ACTN2: variants seen among roughly 807,000 people sequenced by gnomAD.
The protein encoded by ACTN2 is actinin alpha 2, also known as alpha-actinin-2.
In ACTN2, 39 loss-of-function variants were observed where a neutral mutation model predicts 113.8. The ratio of observed to expected loss-of-function variants is 0.34; its 90% confidence interval spans 0.27 to 0.45. The LOEUF is 0.45. Among genes scored for constraint, ACTN2 ranks in the 20% least tolerant of loss-of-function variants. ACTN2 has a pLI of 1.00. For synonymous variants in ACTN2, 429 were observed against 444.1 expected (o/e 0.97, Z 0.43); for missense variants, 992 against 1,177.9 (o/e 0.84, Z 2.31).
At chr1:236,692,994 C>G (rs1032399467) in intron 1 of ACTN2, among the ~76,000 whole-genome samples, 6 of 152,138 alleles carry the variant, frequency 3.9e-5, no homozygotes, top group Non-Finnish European at 7.3e-5. Flanking sequence ...AGTCAGAATC[C>G]TACCGCCGTT....
At chr1:236,739,119 T>C (rs1285851682) in intron 9 of ACTN2, among the ~76,000 whole-genome samples, 183 bp from the exon 10 acceptor site, 1 of 152,136 alleles carries the variant, frequency 6.6e-6, no homozygotes, top group Non-Finnish European at 1.5e-5. Flanking sequence ...GTTGGGGTGA[T>C]CACTCGCGGC....
chr1:236,754,141 G>A lies in ACTN2; in HGVS notation c.1974+60G>A, dbSNP rs114244088. The stretch of plus-strand genomic sequence containing the variant: ...CCTTGCGATAAGTCCCTTTAGCCAC[G>A]CAGCAGTGACACCGCACATGCTGTG... On this transcript the variant is annotated intron_variant, in intron 16 of 20. Coordinates refer to ENST00000366578, the MANE Select transcript of ACTN2 (RefSeq NM_001103.4). This position sits in a 1 kb window ranked among gnomAD's most constrained non-coding sequence, Gnocchi z 4.9. The A allele has an allele frequency of 5.2e-4, 831 of 1,603,446 alleles. 2 individuals are homozygous for A. The African/African-American group carries it at 8.5e-3, about 16-fold the overall frequency.
intron 1 of ACTN2, among the ~76,000 whole-genome samples, chr1:236,709,251 T>TACACAC (rs1440157025): frequency 1.5e-4 from 9 of 59,744 alleles, no homozygotes; most frequent in East Asian, 1.2e-3. Flanking sequence ...TATATATATA[T>TACACAC]ATATACACAC....
At chr1:236,695,563 T>TCCCACCC (rs1657467960) in intron 1 of ACTN2, among the ~76,000 whole-genome samples, 2 of 100,796 alleles carry the variant, frequency 2.0e-5, no homozygotes, top group African/African-American at 4.1e-5. Flanking sequence ...TGAAATGAGT[T>TCCCACCC]CCCCCCCCCT....
intron 18 of ACTN2, among the ~76,000 whole-genome samples, chr1:236,758,559 G>T (rs937560364): frequency 4.0e-5 from 6 of 151,376 alleles, no homozygotes; most frequent in Non-Finnish European, 7.4e-5. Flanking sequence ...AAAGTGCTAG[G>T]ATTACAAGTG....
At chr1:236,717,830 G>GCTAAACCGTGTTTGGTT in intron 1 of ACTN2, 28 bp from the exon 2 acceptor site, 1 of 1,511,140 alleles carries the variant, frequency 6.6e-7, no homozygotes, top group Non-Finnish European at 9.2e-7. Context: ...ATGGACCTGT[G>GCTAAACCGTGTTTGGTT]CTAAACCGTG....
At chr1:236,706,843 G>A (rs1424681006) in intron 1 of ACTN2, among the ~76,000 whole-genome samples, 3 of 152,226 alleles carry the variant, frequency 2.0e-5, no homozygotes, top group Non-Finnish European at 1.5e-5. Flanking sequence ...CTGTGTGTGC[G>A]AATGCAGGCG....
intron 18 of ACTN2, among the ~76,000 whole-genome samples, chr1:236,758,657 G>A (rs1659620358): frequency 6.7e-6 from 1 of 149,378 alleles, no homozygotes. Flanking sequence ...TGTGCTTTTG[G>A]TGCCCAGGCT....
At chr1:236,694,933 G>A (rs1450898558) in intron 1 of ACTN2, among the ~76,000 whole-genome samples, 2 of 152,080 alleles carry the variant, frequency 1.3e-5, no homozygotes, top group Non-Finnish European at 2.9e-5. Context: ...CGGTATGGTG[G>A]CGTGTGCTTG....
At chr1:236,730,563 T>G (rs979466392) in intron 6 of ACTN2, among the ~76,000 whole-genome samples, 7 of 152,190 alleles carry the variant, frequency 4.6e-5, no homozygotes, top group Non-Finnish European at 1.0e-4. Context: ...ATAAGAAATG[T>G]TGCATCTTCT....
At chr1:236,697,966 G>A (rs1033157762) in intron 1 of ACTN2, among the ~76,000 whole-genome samples, 1 of 146,094 alleles carries the variant, frequency 6.8e-6, no homozygotes, top group Non-Finnish European at 1.5e-5. Flanking sequence ...CAGAGACAAG[G>A]TTTCACCATG....
At chr1:236,747,893 A>G in intron 13 of ACTN2, 118 bp downstream of exon 13, 1 of 786,684 alleles carries the variant, frequency 1.3e-6, no homozygotes, top group South Asian at 1.5e-5. Flanking sequence ...AGTGAAAGGA[A>G]CCTCTAAAGA....
At chr1:236,732,096 A>T (rs1448951789) in intron 7 of ACTN2, among the ~76,000 whole-genome samples, 1 of 152,270 alleles carries the variant, frequency 6.6e-6, no homozygotes, top group African/African-American at 2.4e-5. Flanking sequence ...TACTTCCACT[A>T]ATTAGTGATG....
At chr1:236,700,206 G>A (rs1225246992) in intron 1 of ACTN2, among the ~76,000 whole-genome samples, 1 of 151,974 alleles carries the variant, frequency 6.6e-6, no homozygotes, top group South Asian at 2.1e-4. Flanking sequence ...TTTTTGAGAC[G>A]GAGTCTCTCT....
intron 1 of ACTN2, among the ~76,000 whole-genome samples, chr1:236,698,197 G>T: frequency 6.8e-6 from 1 of 146,392 alleles, no homozygotes; most frequent in South Asian, 2.2e-4. Flanking sequence ...GCTAAAGAAG[G>T]CTTTATTGAA....
intron 1 of ACTN2, among the ~76,000 whole-genome samples, chr1:236,711,618 G>A (rs1285675246): frequency 6.6e-6 from 1 of 152,218 alleles, no homozygotes; most frequent in Non-Finnish European, 1.5e-5. Context: ...CCAAAATGCT[G>A]GGATTACAGG....
At chr1:236,735,805 G>A (rs909530354) in intron 8 of ACTN2, 85 bp downstream of exon 8, 17 of 1,153,400 alleles carry the variant, frequency 1.5e-5, no homozygotes, top group African/African-American at 9.2e-5. Flanking sequence ...GTGTTTGTGC[G>A]CTTCACATCT....
chr1:236,750,893 A>AACCTGGGCAACATAATGAGACCC (rs1659373224), intron 14 of ACTN2, among the ~76,000 whole-genome samples: 1 of 151,842 alleles, frequency 6.6e-6, no homozygotes, highest in African/African-American at 2.4e-5. Context: ...GTTTGAGACC[A>AACCTGGGCAACATAATGAGACCC]ACCTGGGCAA....
At chr1:236,715,298 C>G (rs1217643223) in intron 1 of ACTN2, among the ~76,000 whole-genome samples, 1 of 87,832 alleles carries the variant, frequency 1.1e-5, no homozygotes, top group Admixed American at 1.8e-4. Flanking sequence ...CTAATCCTAT[C>G]CCTCCCCCCT....
Sources: gnomAD v4.1 joint callset for allele counts (sites outside exome capture counted in the v4.1 genomes callset) on GRCh38, gnomAD v4.1.1 for gene constraint, Gnocchi (gnomAD v3.1) non-coding constraint, MANE v1.5 for transcripts, NCBI Gene and HGNC (gene_info 2026-07-23, HGNC 2026-07-21) for gene names.